SPATA17: variants seen among roughly 807,000 people sequenced by gnomAD.
SPATA17 encodes the protein spermatogenesis-associated protein 17.
SPATA17 carries 53 observed loss-of-function variants against 62.2 expected under a neutral mutation model. The observed-to-expected ratio is 0.85, with a 90% CI of 0.68 to 1.07. SPATA17 has a LOEUF of 1.07. Ranked by LOEUF, SPATA17 falls within the 50% of genes least tolerant of loss-of-function variation. The probability of loss-of-function intolerance (pLI) is 0.00; values close to 1 mark genes in which losing one functional copy is unlikely to be tolerated. For synonymous variants in SPATA17, 146 were observed against 146.8 expected, an observed-to-expected ratio of 0.99 and a Z score of 0.04; for missense variants, 466 against 425.5, an observed-to-expected ratio of 1.10 and a Z score of -0.84.
In SPATA17 at chr1:217,720,594, T is replaced by A. The variant is rs140903673; in HGVS notation, c.396-21381T>A. On this transcript the variant is annotated intron_variant, in intron 5 of 10. Transcript: ENST00000366933. ...GGCTGAGGTGGGAGGATCATTTGAG[T>A]CTTACCTGGGCAATATCGTAAGGCC... Among the ~76,000 whole-genome samples, 444 of 152,166 alleles carry A rather than the reference T, an allele frequency of 2.9e-3. 1 individual carries two copies. The highest frequency in any genetic ancestry group is 6.8e-3 in the Middle Eastern group (2 of 294).
intron 9 of SPATA17, among the ~76,000 whole-genome samples, chr1:217,835,058 G>A (rs1315213379): frequency 6.6e-6 from 1 of 152,122 alleles, no homozygotes; most frequent in Middle Eastern, 3.2e-3. Flanking sequence ...TATAGCCCAG[G>A]TGTGTAGTAG....
At chr1:217,834,179 C>A (rs72730508) in intron 9 of SPATA17, among the ~76,000 whole-genome samples, 9,666 of 152,110 alleles carry the variant, frequency 0.064, 405 homozygotes, top group East Asian at 0.14. Context: ...GTAAATAAAC[C>A]TATTGCTTTA....
chr1:217,720,331 T>C (rs2102933593), intron 5 of SPATA17, among the ~76,000 whole-genome samples: 1 of 152,348 alleles, frequency 6.6e-6, no homozygotes, highest in South Asian at 2.1e-4. Flanking sequence ...TCACTCAATG[T>C]TCATTCCAAC....
Position 217,642,663 on chromosome 1 carries a change from C to G in SPATA17, c.69-6219C>G, listed in dbSNP as rs12059794. Among the ~76,000 whole-genome samples the G allele has an allele frequency of 2.0e-3, 300 of 152,224 alleles. 3 individuals carry two copies. Among genetic ancestry groups the G allele is most frequent in the African/African-American group, 6.8e-3 (282 of 41,530 alleles). On this transcript the variant is annotated intron_variant, in intron 1 of 10. Transcript: ENST00000366933. Reference sequence around the variant, plus strand: ...CTGTTCTTGTGAAAGTGAGTGAGTCCTCACCAGATCTGATGGTTTTATAAG... The same window carrying G: ...CTGTTCTTGTGAAAGTGAGTGAGTCGTCACCAGATCTGATGGTTTTATAAG...
At chr1:217,756,283 A>G (rs910007395) in intron 6 of SPATA17, among the ~76,000 whole-genome samples, 1 of 152,100 alleles carries the variant, frequency 6.6e-6, no homozygotes, top group African/African-American at 2.4e-5. Flanking sequence ...ATAATTTTTT[A>G]GTAACTTATG....
At chr1:217,704,230 CTTTT>C (rs560591615) in intron 5 of SPATA17, among the ~76,000 whole-genome samples, 4 of 41,692 alleles carry the variant, frequency 9.6e-5, no homozygotes, top group African/African-American at 2.3e-4. Context: ...TTCCCTCTAC[CTTTT>C]TTTTTTTTTT....
chr1:217,638,325 A>G (rs1343057913), intron 1 of SPATA17, among the ~76,000 whole-genome samples: 3 of 152,158 alleles, frequency 2.0e-5, no homozygotes, highest in Non-Finnish European at 4.4e-5. Flanking sequence ...AAGTGTTTTA[A>G]TAATAAAGAA....
At chr1:217,835,836 A>C (rs12088327) in intron 9 of SPATA17, among the ~76,000 whole-genome samples, 1 of 152,220 alleles carries the variant, frequency 6.6e-6, no homozygotes, top group Admixed American at 6.6e-5. Flanking sequence ...CTATTGTAGA[A>C]GCTATGACTG....
At position 217,650,426 on chromosome 1, in the gene SPATA17, C is replaced by CT. The variant is rs1378949218; in HGVS notation, c.159-663dup. On this transcript the variant is annotated intron_variant, in intron 2 of 10. Transcript: ENST00000366933. Reference sequence around the variant, plus strand: ...TCTCTCTCTTTCTCTCTTTCTCTCTCTTTTTTTTGAGACAGAGTCTTGCTC... The same window carrying CT: ...TCTCTCTCTTTCTCTCTTTCTCTCTCTTTTTTTTTGAGACAGAGTCTTGCTC... Among the ~76,000 whole-genome samples, 895 of 151,712 alleles carry CT rather than the reference C, an allele frequency of 5.9e-3. 8 individuals carry two copies. The highest frequency in any genetic ancestry group is 0.027 in the Middle Eastern group (8 of 294).
intron 7 of SPATA17, among the ~76,000 whole-genome samples, chr1:217,775,475 C>T (rs779962618): frequency 4.6e-5 from 7 of 151,950 alleles, no homozygotes; most frequent in South Asian, 2.1e-4. Context: ...GAGGCCAAGG[C>T]GGACAGATCA....
chr1:217,798,852 GC>G (rs1243781337), intron 8 of SPATA17, among the ~76,000 whole-genome samples: 150 of 151,700 alleles, frequency 9.9e-4, no homozygotes, highest in African/African-American at 3.6e-3. Context: ...AAGCACCCTG[GC>G]AACAGCATTC....
At chr1:217,787,606 A>G (rs1296120213) in intron 8 of SPATA17, among the ~76,000 whole-genome samples, 1 of 152,198 alleles carries the variant, frequency 6.6e-6, no homozygotes, top group South Asian at 2.1e-4. Flanking sequence ...ACTACAACAC[A>G]TATTTATTGT....
At chr1:217,808,378 CACA>C (rs1674496159) in intron 9 of SPATA17, among the ~76,000 whole-genome samples, 1 of 48,742 alleles carries the variant, frequency 2.1e-5, no homozygotes, top group Non-Finnish European at 7.4e-5. Context: ...CACACACACA[CACA>C]CCCCCCTCAG....
In SPATA17 at chr1:217,758,605, C is replaced by T. The variant is rs12144035; in HGVS notation, c.520-15729C>T. On this transcript the variant is annotated intron_variant, in intron 6 of 10. Transcript: ENST00000366933. Reference sequence around the variant, plus strand: ...TGCTCATAACCACTAAGCTCTCCTGCATAGTTGAAATGATTCTTGTTTGGG... The same window carrying T: ...TGCTCATAACCACTAAGCTCTCCTGTATAGTTGAAATGATTCTTGTTTGGG... 3.1e-3 allele frequency among the ~76,000 whole-genome samples: 479 copies of T among 152,232 alleles called. 3 individuals carry two copies. The highest frequency in any genetic ancestry group is 5.3e-3 in the Non-Finnish European group (359 of 68,024).
At chr1:217,674,916 T>C (rs1670913794) in intron 4 of SPATA17, among the ~76,000 whole-genome samples, 1 of 152,122 alleles carries the variant, frequency 6.6e-6, no homozygotes, top group Non-Finnish European at 1.5e-5. Flanking sequence ...CTGTAGGTAG[T>C]ATTGGAAAAG....
At chr1:217,635,799 T>C (rs1440783657) in intron 1 of SPATA17, among the ~76,000 whole-genome samples, 1 of 152,058 alleles carries the variant, frequency 6.6e-6, no homozygotes, top group Middle Eastern at 3.2e-3. Context: ...GTTTTTATCA[T>C]TTTATCATGC....
At chr1:217,810,353 G>A (rs547488446) in intron 9 of SPATA17, among the ~76,000 whole-genome samples, 1 of 152,114 alleles carries the variant, frequency 6.6e-6, no homozygotes, top group Non-Finnish European at 1.5e-5. Flanking sequence ...TCATGTATTA[G>A]TCTGTTTTCA....
intron 9 of SPATA17, chr1:217,850,503 A>T: frequency 5.9e-6 from 9 of 1,536,982 alleles, no homozygotes; most frequent in Non-Finnish European, 7.2e-6. Context: ...GCCTGCAAAG[A>T]TGAGCCTCTG....
At chr1:217,835,359 TG>T (rs1675236919) in intron 9 of SPATA17, among the ~76,000 whole-genome samples, 3 of 152,186 alleles carry the variant, frequency 2.0e-5, no homozygotes, top group Admixed American at 2.0e-4. Context: ...TTCAATAGGA[TG>T]TTCAGAGATT....
Sources: gnomAD v4.1 joint callset for allele counts (sites outside exome capture counted in the v4.1 genomes callset) on GRCh38, gnomAD v4.1.1 for gene constraint, MANE v1.5 for transcripts, NCBI Gene and HGNC (gene_info 2026-07-23, HGNC 2026-07-21) for gene names.